Variants in LRRN2 observed in about 807,000 individuals in gnomAD.
LRRN2 encodes leucine-rich repeat neuronal protein 2.
Under a neutral mutation model 35.7 loss-of-function variants are expected in LRRN2, and 10 were observed. The observed-to-expected ratio is 0.28, with a 90% CI of 0.17 to 0.47. The LOEUF is 0.47. Among genes scored for constraint, LRRN2 ranks in the 20% least tolerant of loss-of-function variants. The pLI is 0.99. For missense variants in LRRN2, 731 were observed against 940.3 expected (o/e 0.78, Z 2.91); for synonymous variants, 391 against 409.6 (o/e 0.95, Z 0.55).
chr1:204,670,309 A>C (rs1042512039), intron 1 of LRRN2, among the ~76,000 whole-genome samples: 1 of 151,994 alleles, frequency 6.6e-6, no homozygotes, highest in Non-Finnish European at 1.5e-5. Flanking sequence ...CTGAGGTTTG[A>C]GGTTATGCCA....
intron 1 of LRRN2, among the ~76,000 whole-genome samples, chr1:204,633,945 C>T (rs926787434): frequency 3.3e-5 from 5 of 152,246 alleles, no homozygotes; most frequent in South Asian, 2.1e-4. Context: ...CACCCATCCA[C>T]GCCTTCCAAG....
At chr1:204,631,256 C>CAATATATATATA (rs1282306008) in intron 1 of LRRN2, among the ~76,000 whole-genome samples, 647 of 36,896 alleles carry the variant, frequency 0.018, 146 homozygotes, top group South Asian at 0.033. Context: ...CTAGAGTGTT[C>CAATATATATATA]TATATATATA....
chr1:204,677,081 C>A (rs962538934), intron 1 of LRRN2, among the ~76,000 whole-genome samples: 1 of 152,152 alleles, frequency 6.6e-6, no homozygotes, highest in African/African-American at 2.4e-5. Flanking sequence ...ATTAACAACC[C>A]TAGGAAGTGG....
intron 1 of LRRN2, among the ~76,000 whole-genome samples, chr1:204,633,664 T>C (rs753394983): frequency 2.0e-5 from 3 of 152,212 alleles, no homozygotes; most frequent in Non-Finnish European, 2.9e-5. Context: ...GAACATTCAG[T>C]TGGTAAAGCC....
At chr1:204,661,069 G>A (rs921453371) in intron 1 of LRRN2, among the ~76,000 whole-genome samples, 11 of 152,118 alleles carry the variant, frequency 7.2e-5, no homozygotes, top group Non-Finnish European at 1.5e-4. Flanking sequence ...TTAGGGCTAG[G>A]TCCTGAAAAA....
At chr1:204,681,317 A>C (rs1262122694) in intron 1 of LRRN2, among the ~76,000 whole-genome samples, 1 of 151,902 alleles carries the variant, frequency 6.6e-6, no homozygotes, top group African/African-American at 2.4e-5. Flanking sequence ...TATGGGACTG[A>C]CTCCCCCATC....
At chr1:204,659,273 G>A (rs996123123) in intron 1 of LRRN2, among the ~76,000 whole-genome samples, 1 of 152,328 alleles carries the variant, frequency 6.6e-6, no homozygotes, top group Admixed American at 6.5e-5. Context: ...TTCCCTGGTA[G>A]CAATTAGGCT....
intron 1 of LRRN2, among the ~76,000 whole-genome samples, chr1:204,670,728 C>A (rs200134583): frequency 3.4e-5 from 5 of 148,438 alleles, no homozygotes; most frequent in Admixed American, 6.7e-5. Context: ...AAGAAAGTGT[C>A]AAAAAAAAAA....
At chr1:204,680,378 C>T (rs975687137) in intron 1 of LRRN2, among the ~76,000 whole-genome samples, 5 of 152,186 alleles carry the variant, frequency 3.3e-5, no homozygotes, top group Admixed American at 6.5e-5. Flanking sequence ...TCTTGGAACT[C>T]GCTTCAGGTC....
intron 1 of LRRN2, among the ~76,000 whole-genome samples, chr1:204,665,750 C>T (rs1001508413): frequency 1.3e-5 from 2 of 152,216 alleles, no homozygotes; most frequent in Non-Finnish European, 2.9e-5. Context: ...GAGACTAGTC[C>T]AACTTGTGGT....
chr1:204,617,872 T>G lies in LRRN2; in HGVS notation c.2121A>C (p.Pro707=). Residue 707 remains proline (P), a synonymous_variant, in exon 2 of 2, where the codon CCA becomes CCC. Transcript: ENST00000367177. ...AGCTTCAAGAATTTTGAGACAATGG[T>G]GGCAACAGTGTCTCCCCTTCTGAGG... ...PRSSEGETLL[P]PLSQNS 1.2e-6 allele frequency: 2 copies of G among 1,614,002 alleles called. No individual in the cohort carries two copies. Among genetic ancestry groups the G allele is most frequent in the South Asian group, 2.2e-5 (2 of 91,076 alleles).
At chr1:204,654,904 C>T (rs535266549) in intron 1 of LRRN2, among the ~76,000 whole-genome samples, 1 of 152,322 alleles carries the variant, frequency 6.6e-6, no homozygotes, top group African/African-American at 2.4e-5. Flanking sequence ...TCCCTTCTTG[C>T]CACCCCCCCA....
At position 204,618,617 on chromosome 1, in the gene LRRN2, G is replaced by C; in HGVS notation, c.1376C>G (p.Thr459Ser). The C allele has an allele frequency of 6.2e-7, 1 of 1,613,760 alleles. No homozygotes were observed. The highest frequency in any genetic ancestry group is 8.5e-7 in the Non-Finnish European group (1 of 1,179,884). Residue 459 changes from threonine (T) to serine (S), a missense_variant, in exon 2 of 2, where the codon ACT becomes AGT. Around this residue, in one of 3 missense-constraint regions of LRRN2, gnomAD observed 256 missense variants for 392.4 expected, o/e 0.65. Coordinates refer to ENST00000367177, the MANE Select transcript of LRRN2 (RefSeq NM_201630.2). ...AEPEPEIYWV[T>S]PAGLRLTPAH... ...AGGTGTCAGTCGAAGCCCAGCTGGA[G>C]TGACCCAGTAGATCTCGGGTTCGGG...
chr1:204,645,548 G>C (rs1024083552), intron 1 of LRRN2, among the ~76,000 whole-genome samples: 1 of 152,176 alleles, frequency 6.6e-6, no homozygotes, highest in Admixed American at 6.5e-5. Flanking sequence ...AATCATCATG[G>C]CAACTCTCTG....
chr1:204,638,402 CTTTTTTTTT>C (rs971289134), intron 1 of LRRN2, among the ~76,000 whole-genome samples: 10 of 71,688 alleles, frequency 1.4e-4, no homozygotes, highest in Non-Finnish European at 1.9e-4. Context: ...CAAGGTCTTC[CTTTTTTTTT>C]TTTTTTTTTT....
chr1:204,635,934 C>G (rs774108492), intron 1 of LRRN2, among the ~76,000 whole-genome samples: 26 of 152,232 alleles, frequency 1.7e-4, no homozygotes, highest in Non-Finnish European at 3.2e-4. Flanking sequence ...CTCACAGGGA[C>G]AGGCAACAGC....
intron 1 of LRRN2, among the ~76,000 whole-genome samples, chr1:204,626,247 G>T (rs569293480): frequency 6.6e-6 from 1 of 151,908 alleles, no homozygotes; most frequent in Admixed American, 6.6e-5. Context: ...GGAAATGCCC[G>T]CCCTCTTCAT....
In LRRN2 at chr1:204,623,568, G is replaced by A. The variant is rs564528260; in HGVS notation, c.-226-3350C>T. On this transcript the variant is annotated intron_variant, in intron 1 of 1. Coordinates refer to ENST00000367177, the MANE Select transcript of LRRN2 (RefSeq NM_201630.2). ...CTGAGCATGCAGCTCTTTCCAGGAT[G>A]CAGCTCAGAGCTGCCCTCTCACCTG... is the stretch of plus-strand genomic sequence containing the variant. Among the ~76,000 whole-genome samples, 11 of 152,370 alleles carry A rather than the reference G, an allele frequency of 7.2e-5. No homozygotes were observed. In the South Asian group the frequency reaches 2.1e-3, roughly 29 times the overall value.
At chr1:204,671,561 G>C (rs1488456440) in intron 1 of LRRN2, among the ~76,000 whole-genome samples, 1 of 148,828 alleles carries the variant, frequency 6.7e-6, no homozygotes, top group Non-Finnish European at 1.5e-5. Flanking sequence ...TTAGGATATT[G>C]GCAGGAGGAT....
Sources: gnomAD v4.1 joint callset for allele counts (sites outside exome capture counted in the v4.1 genomes callset) on GRCh38, gnomAD v4.1.1 for gene constraint, gnomAD v4.1.1 regional missense constraint, MANE v1.5 for transcripts, NCBI Gene and HGNC (gene_info 2026-07-23, HGNC 2026-07-21) for gene names.